The following ADK variants were observed in gnomAD, a reference collection of about 807,000 sequenced individuals.
ADK encodes N6,N6-dimethyladenosine kinase.
Under a neutral mutation model 44.7 loss-of-function variants are expected in ADK, and 24 were observed. That is an observed-to-expected ratio of 0.54 (90% CI 0.39 to 0.76). The LOEUF (loss-of-function observed/expected upper bound fraction) is 0.76. Among genes scored for constraint, ADK ranks in the 30% least tolerant of loss-of-function variants. The pLI is 0.00. For synonymous variants in ADK, 128 were observed against 142.6 expected (o/e 0.90, Z 0.73); for missense variants, 321 against 425.1 (o/e 0.76, Z 2.15).
At chr10:74,513,962 T>C (rs985279615) in intron 6 of ADK, among the ~76,000 whole-genome samples, 1 of 152,220 alleles carries the variant, frequency 6.6e-6, no homozygotes, top group Admixed American at 6.5e-5. Context: ...CATTTCCACA[T>C]GTAAGACCCC....
chr10:74,210,406 A>C (rs1304707815), intron 2 of ADK, among the ~76,000 whole-genome samples: 1 of 152,004 alleles, frequency 6.6e-6, no homozygotes, highest in Non-Finnish European at 1.5e-5. Context: ...TTTTTCTTAC[A>C]GATCTAAACC....
At chr10:74,677,178 G>A (rs1321687575) in intron 10 of ADK, among the ~76,000 whole-genome samples, 1 of 152,218 alleles carries the variant, frequency 6.6e-6, no homozygotes, top group African/African-American at 2.4e-5. Context: ...CTGGGAGGTC[G>A]AAGCTGCAGT....
At chr10:74,320,251 G>A (rs960286537) in intron 4 of ADK, among the ~76,000 whole-genome samples, 12 of 152,184 alleles carry the variant, frequency 7.9e-5, no homozygotes, top group East Asian at 3.9e-4. Context: ...CTTGGTTAAC[G>A]GTGCTTTTCT....
chr10:74,629,473 G>C (rs1266472345), intron 9 of ADK, among the ~76,000 whole-genome samples: 1 of 152,176 alleles, frequency 6.6e-6, no homozygotes, highest in East Asian at 1.9e-4. Context: ...AATGTCAGCA[G>C]ATAAGGTATC....
At chr10:74,219,873 T>C (rs1250426124) in intron 2 of ADK, among the ~76,000 whole-genome samples, 4 of 150,184 alleles carry the variant, frequency 2.7e-5, no homozygotes, top group Non-Finnish European at 1.5e-5. Context: ...CAAAATAGTG[T>C]GTAGAGGGAA....
intron 3 of ADK, among the ~76,000 whole-genome samples, chr10:74,300,043 C>T (rs1839948425): frequency 6.6e-6 from 1 of 150,502 alleles, no homozygotes; most frequent in Admixed American, 6.6e-5. Flanking sequence ...CTTTCTTCTT[C>T]TTCGTCTTCT....
chr10:74,582,328 T>C (rs1030941461), intron 7 of ADK, among the ~76,000 whole-genome samples: 1 of 151,696 alleles, frequency 6.6e-6, no homozygotes. Context: ...AAATAAAAAA[T>C]AAAAATGGAA....
chr10:74,226,103 C>T (rs933478412), intron 3 of ADK, among the ~76,000 whole-genome samples: 4 of 151,750 alleles, frequency 2.6e-5, no homozygotes, highest in African/African-American at 9.7e-5. Flanking sequence ...ATACTTTTTT[C>T]TTACCTTTTT....
intron 9 of ADK, among the ~76,000 whole-genome samples, chr10:74,608,666 G>A (rs1852429154): frequency 1.3e-5 from 2 of 152,054 alleles, no homozygotes; most frequent in South Asian, 2.1e-4. Context: ...GGGGTCTGTC[G>A]ACCCTTGCTG....
intron 4 of ADK, among the ~76,000 whole-genome samples, chr10:74,339,567 G>A (rs905666031): frequency 6.6e-6 from 1 of 152,018 alleles, no homozygotes; most frequent in Admixed American, 6.6e-5. Context: ...CACCAAATCT[G>A]TGTTTGGTGT....
intron 1 of ADK, among the ~76,000 whole-genome samples, chr10:74,157,897 G>A (rs1031072810): frequency 2.6e-5 from 4 of 151,710 alleles, no homozygotes; most frequent in Non-Finnish European, 5.9e-5. Context: ...AAATTGAGAG[G>A]CACCAACTTA....
chr10:74,401,747 G>A (rs966036862), intron 6 of ADK, among the ~76,000 whole-genome samples: 2 of 152,114 alleles, frequency 1.3e-5, no homozygotes, highest in Admixed American at 1.3e-4. Context: ...TACATTTAAG[G>A]TTAATATTGT....
intron 4 of ADK, among the ~76,000 whole-genome samples, chr10:74,382,222 C>T (rs1842994065): frequency 6.6e-6 from 1 of 152,164 alleles, no homozygotes; most frequent in Non-Finnish European, 1.5e-5. Context: ...CCTCAGCCTC[C>T]TGAGTAGCTA....
At chr10:74,171,155 C>T (rs1406951822) in intron 1 of ADK, among the ~76,000 whole-genome samples, 2 of 151,826 alleles carry the variant, frequency 1.3e-5, no homozygotes, top group Admixed American at 1.3e-4. Context: ...TAACTATTAC[C>T]CTATTTCTGG....
intron 4 of ADK, among the ~76,000 whole-genome samples, chr10:74,374,926 A>C (rs534676014): frequency 6.6e-6 from 1 of 151,694 alleles, no homozygotes; most frequent in South Asian, 2.1e-4. Context: ...TTATTATAAC[A>C]CTCCTCGTAT....
intron 7 of ADK, chr10:74,551,420 A>G (rs1488414131): frequency 6.5e-6 from 1 of 152,676 alleles, no homozygotes; most frequent in Non-Finnish European, 1.5e-5. Context: ...GGTATTTACA[A>G]CTAATTGATC....
chr10:74,380,154 T>C (rs958925996), intron 4 of ADK, among the ~76,000 whole-genome samples: 1 of 152,256 alleles, frequency 6.6e-6, no homozygotes, highest in African/African-American at 2.4e-5. Flanking sequence ...TTTGCTATGC[T>C]TTGCATTTTA....
At chr10:74,459,079 G>A (rs1464126883) in intron 6 of ADK, among the ~76,000 whole-genome samples, 1 of 151,904 alleles carries the variant, frequency 6.6e-6, no homozygotes, top group Non-Finnish European at 1.5e-5. Context: ...AGGAGCTTGA[G>A]ACCAGCCTGG....
rs549369255 is a variant in ADK at position 74,199,415 on chromosome 10, C to T, written c.66-1349C>T. ...GTGTCTCTGCGTACCCAGTGTTTAG[C>T]TTCCACTTATAAGTGAAAACATGTG... On this transcript the variant is annotated intron_variant, in intron 1 of 10. Coordinates refer to ENST00000539909, the MANE Select transcript of ADK (RefSeq NM_006721.4). 5.2e-4 allele frequency among the ~76,000 whole-genome samples: 79 copies of T among 152,288 alleles called. 1 individual carries two copies. In the Middle Eastern group the frequency reaches 0.01, roughly 20 times the overall value.
Sources: allele counts gnomAD v4.1 joint callset (sites outside exome capture counted in the v4.1 genomes callset), GRCh38; gene constraint gnomAD v4.1.1; transcripts MANE v1.5; gene names NCBI Gene and HGNC (gene_info 2026-07-23, HGNC 2026-07-21).